Variants in IQCM observed in about 807,000 individuals in gnomAD.
IQCM encodes IQ motif containing M.
In IQCM, 45 loss-of-function variants were observed where a neutral mutation model predicts 57.6. That is an observed-to-expected ratio of 0.78 (90% CI 0.62 to 1.00). The LOEUF (loss-of-function observed/expected upper bound fraction) is 1.00, where lower values mean the gene tolerates loss of function less well. IQCM is among the 50% of genes least tolerant of loss of function. The pLI, the probability that IQCM is intolerant of heterozygous loss-of-function variation, is 0.00. For missense variants in IQCM, 468 were observed against 511.6 expected, an observed-to-expected ratio of 0.91 and a Z score of 0.82; for synonymous variants, 148 against 158.9, an observed-to-expected ratio of 0.93 and a Z score of 0.51.
chr4:149,588,008 GA>G lies in IQCM; in HGVS notation c.682-12del. On this transcript the variant is annotated splice_polypyrimidine_tract_variant and intron_variant, in intron 8 of 13. Coordinates refer to ENST00000636793, the MANE Select transcript of IQCM (RefSeq NM_001363507.2). ...GGTTTTAAAGGTTTTCTATAATAAG[GA>G]AAAGAAGAGTTGACATAAGTAGAAA... The G allele has an allele frequency of 8.5e-7, 1 of 1,181,674 alleles. No individual in the cohort carries two copies. Among genetic ancestry groups the G allele is most frequent in the Non-Finnish European group, 1.1e-6 (1 of 943,002 alleles). The allele number at this position is 1,181,674 out of a possible 1,614,324, so 73.2% of individuals were successfully genotyped here.
At chr4:149,721,634 T>C (rs1765458564) in intron 5 of IQCM, among the ~76,000 whole-genome samples, 1 of 152,180 alleles carries the variant, frequency 6.6e-6, no homozygotes. Context: ...TGTTCTTTTA[T>C]ATGGCTGAGT....
intron 11 of IQCM, among the ~76,000 whole-genome samples, chr4:149,550,835 A>G (rs1386839304): frequency 1.3e-5 from 2 of 152,132 alleles, no homozygotes; most frequent in Non-Finnish European, 2.9e-5. Flanking sequence ...CTTTCCCCTC[A>G]ATGTAAATGG....
chr4:149,412,762 T>C (rs773098464), intron 13 of IQCM, among the ~76,000 whole-genome samples: 2 of 152,214 alleles, frequency 1.3e-5, no homozygotes, highest in Non-Finnish European at 2.9e-5. Flanking sequence ...TACAGAAATC[T>C]TAATGTTTTA....
chr4:149,702,665 C>G (rs568716407), intron 5 of IQCM, among the ~76,000 whole-genome samples: 12 of 151,982 alleles, frequency 7.9e-5, no homozygotes, highest in African/African-American at 2.9e-4. Flanking sequence ...TAAGAAAGTA[C>G]AGATGGAAAC....
At chr4:149,472,235 C>A (rs1310967884) in intron 12 of IQCM, among the ~76,000 whole-genome samples, 1 of 152,078 alleles carries the variant, frequency 6.6e-6, no homozygotes, top group Non-Finnish European at 1.5e-5. Flanking sequence ...TCATCTCAGC[C>A]CAAAATCTCC....
intron 2 of IQCM, among the ~76,000 whole-genome samples, chr4:149,772,792 T>C (rs1770708472): frequency 6.6e-6 from 1 of 152,230 alleles, no homozygotes; most frequent in South Asian, 2.1e-4. Flanking sequence ...AAGTACTTAC[T>C]TAAACTAACA....
At chr4:149,399,268 A>G (rs1732446912) in intron 13 of IQCM, among the ~76,000 whole-genome samples, 3 of 152,004 alleles carry the variant, frequency 2.0e-5, no homozygotes, top group Non-Finnish European at 4.4e-5. Context: ...CCTACTTAAA[A>G]TAATGACTCC....
chr4:149,714,681 C>T (rs141502756), intron 5 of IQCM, among the ~76,000 whole-genome samples: 1 of 152,196 alleles, frequency 6.6e-6, no homozygotes, highest in African/African-American at 2.4e-5. Context: ...AAAAGATTAA[C>T]AACAATAATA....
chr4:149,628,540 T>C (rs1024252788), intron 7 of IQCM, among the ~76,000 whole-genome samples: 1 of 152,056 alleles, frequency 6.6e-6, no homozygotes, highest in Admixed American at 6.6e-5. Flanking sequence ...GAGAAGATTA[T>C]AGATTAAAGA....
At chr4:149,571,987 C>A (rs572196586) in intron 9 of IQCM, among the ~76,000 whole-genome samples, 2 of 152,124 alleles carry the variant, frequency 1.3e-5, no homozygotes, top group Admixed American at 1.3e-4. Context: ...TTCTGTCTAG[C>A]ACTAATCTCC....
At chr4:149,389,223 C>T (rs1405938835) in intron 13 of IQCM, among the ~76,000 whole-genome samples, 1 of 151,854 alleles carries the variant, frequency 6.6e-6, no homozygotes, top group Non-Finnish European at 1.5e-5. Flanking sequence ...ACAGTTGTCC[C>T]AGGATCATTT....
chr4:149,741,275 T>C (rs1767431432), intron 3 of IQCM, among the ~76,000 whole-genome samples: 1 of 152,158 alleles, frequency 6.6e-6, no homozygotes, highest in Admixed American at 6.6e-5. Context: ...TAACAAAGTA[T>C]CCTGCCTTAT....
At chr4:149,775,009 T>C (rs374556099) in intron 2 of IQCM, among the ~76,000 whole-genome samples, 2 of 61,282 alleles carry the variant, frequency 3.3e-5, no homozygotes, top group Non-Finnish European at 6.8e-5. Flanking sequence ...ATCCTGAAAA[T>C]AAGCCCACAT....
At chr4:149,576,313 C>G (rs1167917767) in intron 9 of IQCM, among the ~76,000 whole-genome samples, 1 of 151,702 alleles carries the variant, frequency 6.6e-6, no homozygotes, top group Admixed American at 6.6e-5. Context: ...CACTCTCCAC[C>G]CTGAAGTAGG....
intron 12 of IQCM, among the ~76,000 whole-genome samples, chr4:149,439,957 ATTC>A (rs1180578973): frequency 1.4e-5 from 2 of 141,972 alleles, no homozygotes; most frequent in South Asian, 2.1e-4. Flanking sequence ...AAGTGTTGCT[ATTC>A]TTTTTTTTTT....
chr4:149,607,616 C>T (rs879501743), intron 8 of IQCM, among the ~76,000 whole-genome samples: 5 of 151,856 alleles, frequency 3.3e-5, no homozygotes, highest in Non-Finnish European at 5.9e-5. Context: ...ATAGAGATAA[C>T]AAAAAGTCAA....
chr4:149,752,161 G>A (rs1768509906), intron 2 of IQCM, among the ~76,000 whole-genome samples: 1 of 152,014 alleles, frequency 6.6e-6, no homozygotes, highest in African/African-American at 2.4e-5. Flanking sequence ...ACAGTATCAT[G>A]TCTAGCATTT....
At chr4:149,612,269 C>G (rs1175288966) in intron 8 of IQCM, among the ~76,000 whole-genome samples, 2 of 152,124 alleles carry the variant, frequency 1.3e-5, no homozygotes, top group African/African-American at 4.8e-5. Context: ...GGACCCAGAG[C>G]CAAACCATAC....
chr4:149,595,166 T>C (rs983667798), intron 8 of IQCM, among the ~76,000 whole-genome samples: 5 of 152,196 alleles, frequency 3.3e-5, no homozygotes, highest in Non-Finnish European at 4.4e-5. Flanking sequence ...ATATTTAGGA[T>C]AGTTAGCTCT....
Sources: gnomAD v4.1 joint callset for allele counts (sites outside exome capture counted in the v4.1 genomes callset) on GRCh38, gnomAD v4.1.1 for gene constraint, MANE v1.5 for transcripts, NCBI Gene and HGNC (gene_info 2026-07-23, HGNC 2026-07-21) for gene names.